The following LMBR1 variants were observed in gnomAD, a reference collection of about 807,000 sequenced individuals.
The protein encoded by LMBR1 is limb region 1 protein homolog.
Under a neutral mutation model 73.9 loss-of-function variants are expected in LMBR1, and 52 were observed. The ratio of observed to expected loss-of-function variants is 0.70; its 90% CI spans 0.56 to 0.89. The LOEUF (loss-of-function observed/expected upper bound fraction) is 0.89. Ranked by LOEUF, LMBR1 falls within the 40% of genes least tolerant of loss-of-function variation. The pLI is 0.00. For missense variants in LMBR1, 539 were observed against 579.8 expected (o/e 0.93, Z 0.72); for synonymous variants, 215 against 209.4 (o/e 1.03, Z -0.23).
intron 9 of LMBR1, among the ~76,000 whole-genome samples, chr7:156,749,716 G>A (rs1286600937): frequency 6.6e-6 from 1 of 152,068 alleles, no homozygotes; most frequent in Non-Finnish European, 1.5e-5. Flanking sequence ...TTTAGATGGA[G>A]TCTCGCTCTG....
chr7:156,873,737 G>A (rs1465559258), intron 1 of LMBR1, among the ~76,000 whole-genome samples: 2 of 151,736 alleles, frequency 1.3e-5, no homozygotes, highest in African/African-American at 4.8e-5. Flanking sequence ...CTAAACACAG[G>A]GTGCTGATTG....
chr7:156,832,686 T>TGA (rs1836901839), intron 3 of LMBR1, among the ~76,000 whole-genome samples: 1 of 152,242 alleles, frequency 6.6e-6, no homozygotes, highest in African/African-American at 2.4e-5. Context: ...TACAAGTATG[T>TGA]GAAAGCACAC....
At chr7:156,725,052 T>C (rs1482413848) in intron 14 of LMBR1, among the ~76,000 whole-genome samples, 2 of 152,220 alleles carry the variant, frequency 1.3e-5, no homozygotes, top group Non-Finnish European at 2.9e-5. Context: ...TATTCAAATT[T>C]GAAATACTTT....
chr7:156,803,586 G>A (rs890270428), intron 4 of LMBR1, among the ~76,000 whole-genome samples: 10 of 152,102 alleles, frequency 6.6e-5, no homozygotes, highest in African/African-American at 1.9e-4. Flanking sequence ...TCAGTGTGGC[G>A]ATTCCTCAAG....
chr7:156,703,399 T>G (rs1453640290), intron 15 of LMBR1, among the ~76,000 whole-genome samples: 1 of 152,136 alleles, frequency 6.6e-6, no homozygotes, highest in Non-Finnish European at 1.5e-5. Context: ...GGAGGAGAGT[T>G]GCCTCAGAGG....
chr7:156,724,206 G>C, intron 14 of LMBR1, 28 bp from the exon 15 acceptor site: 1 of 1,565,304 alleles, frequency 6.4e-7, no homozygotes, highest in Non-Finnish European at 8.8e-7. Context: ...AAAGAATATT[G>C]GGCAGTTAAA....
intron 9 of LMBR1, among the ~76,000 whole-genome samples, chr7:156,746,065 T>C (rs989527421): frequency 1.3e-5 from 2 of 152,196 alleles, no homozygotes; most frequent in Non-Finnish European, 2.9e-5. Flanking sequence ...TATTTCCATA[T>C]AATGTGATTT....
intron 1 of LMBR1, 123 bp from the exon 2 acceptor site, chr7:156,837,008 G>A: frequency 1.5e-6 from 1 of 653,928 alleles, no homozygotes; most frequent in East Asian, 2.9e-5. Flanking sequence ...TAAAATGCTG[G>A]ACATTTTACT....
At chr7:156,676,065 C>A (rs2365514), downstream of LMBR1, among the ~76,000 whole-genome samples, 2 of 149,964 alleles carry the variant, frequency 1.3e-5, no homozygotes, top group African/African-American at 5.0e-5. Context: ...GTGTCAGTCC[C>A]GGGGTAACCG....
At chr7:156,694,557 T>A (rs1463299034) in intron 15 of LMBR1, among the ~76,000 whole-genome samples, 1 of 152,202 alleles carries the variant, frequency 6.6e-6, no homozygotes, top group Non-Finnish European at 1.5e-5. Context: ...AACATACTAC[T>A]TGAAGTCCTA....
At chr7:156,802,892 A>C (rs6957347) in intron 4 of LMBR1, among the ~76,000 whole-genome samples, 69,625 of 151,692 alleles carry the variant, frequency 0.46, 16,195 homozygotes, top group East Asian at 0.61. Flanking sequence ...CAAAAACAAG[A>C]AATGGGGAAA....
chr7:156,839,290 C>G (rs952773687), intron 1 of LMBR1, among the ~76,000 whole-genome samples: 2 of 152,092 alleles, frequency 1.3e-5, no homozygotes, highest in East Asian at 1.9e-4. Flanking sequence ...CACAGGTGAT[C>G]CACCTGTGTC....
At chr7:156,849,542 C>A (rs925500937) in intron 1 of LMBR1, among the ~76,000 whole-genome samples, 3 of 152,176 alleles carry the variant, frequency 2.0e-5, no homozygotes, top group African/African-American at 7.2e-5. Context: ...ATGGAGGAAA[C>A]TTAAATGCTT....
At chr7:156,883,840 G>C (rs1801475627) in intron 1 of LMBR1, among the ~76,000 whole-genome samples, 1 of 152,044 alleles carries the variant, frequency 6.6e-6, no homozygotes. Context: ...AGGACCCTGT[G>C]ACCACATAGA....
chr7:156,689,176 C>T (rs2131898026), intron 15 of LMBR1, among the ~76,000 whole-genome samples: 1 of 152,086 alleles, frequency 6.6e-6, no homozygotes, highest in Admixed American at 6.5e-5. Flanking sequence ...ATTTTTCTGA[C>T]CACTGACAGA....
intron 4 of LMBR1, among the ~76,000 whole-genome samples, chr7:156,804,975 A>G (rs1831738711): frequency 1.3e-5 from 2 of 152,074 alleles, no homozygotes; most frequent in South Asian, 4.1e-4. Context: ...TAGGATTTAC[A>G]TTTAAGTCGA....
At chr7:156,736,295 T>A (rs974757541) in intron 9 of LMBR1, among the ~76,000 whole-genome samples, 1 of 152,170 alleles carries the variant, frequency 6.6e-6, no homozygotes, top group Non-Finnish European at 1.5e-5. Flanking sequence ...GGTTGAATAA[T>A]CCAATCTGAT....
chr7:156,749,260 CT>C (rs1820397598), intron 9 of LMBR1, among the ~76,000 whole-genome samples: 1 of 148,976 alleles, frequency 6.7e-6, no homozygotes. Flanking sequence ...AGAAGAGAAT[CT>C]GGCATGAGCT....
intron 1 of LMBR1, among the ~76,000 whole-genome samples, chr7:156,853,099 C>T (rs908352219): frequency 7.9e-5 from 12 of 151,936 alleles, no homozygotes; most frequent in Non-Finnish European, 1.3e-4. Flanking sequence ...TCACCACACC[C>T]GGCTAATTTT....
Sources: allele counts gnomAD v4.1 joint callset (sites outside exome capture counted in the v4.1 genomes callset), GRCh38; gene constraint gnomAD v4.1.1; transcripts MANE v1.5; gene names NCBI Gene and HGNC (gene_info 2026-07-23, HGNC 2026-07-21).